The following ADAM18 variants were observed in gnomAD, a reference collection of about 807,000 sequenced individuals.
ADAM18 encodes the protein disintegrin and metalloproteinase domain-containing protein 18.
ADAM18 carries 117 observed loss-of-function variants against 94.4 expected under a neutral mutation model. That is an observed-to-expected ratio of 1.24 (90% CI 1.07 to 1.45). The LOEUF (loss-of-function observed/expected upper bound fraction) is 1.45. ADAM18 is among the 40% of genes most tolerant of loss of function. ADAM18 has a pLI of 0.00. For synonymous variants in ADAM18, 327 were observed against 291.6 expected (o/e 1.12, Z -1.24); for missense variants, 936 against 880.0 (o/e 1.06, Z -0.81).
chr8:39,663,598 CAAAAAAAAAAAAAAAAAAA>C (rs10597769), intron 12 of ADAM18, among the ~76,000 whole-genome samples, 178 bp from the exon 13 acceptor site: 1 of 19,592 alleles, frequency 5.1e-5, no homozygotes, highest in Non-Finnish European at 8.3e-5. Context: ...AATCCTGTCT[CAAAAAAAAAAAAAAAAAAA>C]AAAAAAAAAA....
intron 7 of ADAM18, among the ~76,000 whole-genome samples, chr8:39,630,643 T>A (rs1185821897): frequency 6.6e-6 from 1 of 151,926 alleles, no homozygotes; most frequent in East Asian, 1.9e-4. Context: ...ATTTCTTGTA[T>A]ACTAACGTGA....
At chr8:39,662,232 C>G (rs1820861009) in intron 12 of ADAM18, among the ~76,000 whole-genome samples, 1 of 151,892 alleles carries the variant, frequency 6.6e-6, no homozygotes, top group South Asian at 2.1e-4. Flanking sequence ...TCATTAATTA[C>G]TAGTGAAAGA....
intron 6 of ADAM18, 98 bp from the exon 7 acceptor site, chr8:39,629,276 T>A (rs1307570279): frequency 2.4e-6 from 2 of 844,050 alleles, no homozygotes; most frequent in African/African-American, 1.8e-5. Context: ...CTCATGAAAA[T>A]CTTATATGCA....
At chr8:39,684,641 G>A (rs1821560129) in intron 16 of ADAM18, among the ~76,000 whole-genome samples, 1 of 152,124 alleles carries the variant, frequency 6.6e-6, no homozygotes, top group Admixed American at 6.6e-5. Context: ...TGCCCTGGTG[G>A]GGGCTGTCTG....
At chr8:39,585,234 A>T in intron 1 of ADAM18, 42 bp from the exon 2 acceptor site, 1 of 1,524,104 alleles carries the variant, frequency 6.6e-7, no homozygotes, top group Non-Finnish European at 9.1e-7. Context: ...ACGATTGTTG[A>T]TGCAAAACAA....
Position 39,610,602 on chromosome 8 carries a change from A to G in ADAM18, c.418A>G (p.Ile140Val), listed in dbSNP as rs369562039. 24 of 1,612,896 alleles carry G rather than the reference A, an allele frequency of 1.5e-5. No individual in the cohort carries two copies. The highest frequency in any genetic ancestry group is 1.7e-4 in the Middle Eastern group (1 of 6,046). ...VESSARFEHI[I>V]YQMKNNDPNV... ...ATCTTCAGCAAGATTTGAGCATATA[A>G]TTTATCAAATGAAAAATAATGATCC... The change falls in exon 6 of 20, where the codon ATT becomes GTT. Residue 140 changes from isoleucine (I) to valine (V), a missense_variant. Physicochemically the swap from Ile to Val is conservative, Grantham distance 29. Transcript: ENST00000265707.
intron 1 of ADAM18, among the ~76,000 whole-genome samples, chr8:39,584,950 G>A (rs557080866): frequency 3.3e-5 from 5 of 152,278 alleles, no homozygotes; most frequent in African/African-American, 9.6e-5. Flanking sequence ...TGTGAAGGAG[G>A]GTGGAGGTGG....
Position 39,648,651 on chromosome 8 carries a change from A to G in ADAM18, c.1230+124A>G, listed in dbSNP as rs1361111289. On this transcript the variant is annotated intron_variant, in intron 12 of 19. Transcript: ENST00000265707. ...GCCATTAATTTATAACTGAAATATG[A>G]GAAACAGGATGAGTTAAGATGTATA... is the stretch of plus-strand genomic sequence containing the variant. 8 of 930,910 alleles carry G rather than the reference A, an allele frequency of 8.6e-6. No homozygotes were observed. The East Asian group carries it at 2.2e-4, about 26-fold the overall frequency. The allele number at this position is 930,910 out of a possible 1,614,324, so 57.7% of individuals were successfully genotyped here. A position where few individuals can be genotyped will look rare whatever the true frequency, so the allele number is the denominator to read the frequency against.
intron 19 of ADAM18, among the ~76,000 whole-genome samples, chr8:39,724,816 A>C (rs1045121149): frequency 6.6e-6 from 1 of 151,926 alleles, no homozygotes; most frequent in African/African-American, 2.4e-5. Flanking sequence ...GGACTCATAC[A>C]TTAGTTAGAA....
intron 12 of ADAM18, among the ~76,000 whole-genome samples, 197 bp from the exon 13 acceptor site, chr8:39,663,598 C>CAAAAAAAAAA (rs10597769): frequency 8.7e-4 from 17 of 19,592 alleles, no homozygotes; most frequent in African/African-American, 1.5e-3. Flanking sequence ...AATCCTGTCT[C>CAAAAAAAAAA]AAAAAAAAAA....
At chr8:39,605,599 G>C (rs2129578313) in intron 2 of ADAM18, 1 of 160,552 alleles carries the variant, frequency 6.2e-6, no homozygotes, top group East Asian at 1.9e-4. Flanking sequence ...AATTTATCTT[G>C]ACTAAAAATG....
At chr8:39,667,963 A>G in intron 13 of ADAM18, 35 bp from the exon 14 acceptor site, 1 of 1,584,952 alleles carries the variant, frequency 6.3e-7, no homozygotes, top group Non-Finnish European at 8.7e-7. Flanking sequence ...AAAATGATTT[A>G]CAGAACTTAA....
intron 10 of ADAM18, among the ~76,000 whole-genome samples, chr8:39,639,194 T>G (rs1456527275): frequency 1.3e-5 from 2 of 151,950 alleles, no homozygotes; most frequent in African/African-American, 4.8e-5. Context: ...TATGCATAGG[T>G]ATAAACACCA....
At chr8:39,644,196 A>AT (rs1820315251) in intron 10 of ADAM18, among the ~76,000 whole-genome samples, 1 of 152,124 alleles carries the variant, frequency 6.6e-6, no homozygotes, top group Non-Finnish European at 1.5e-5. Context: ...GAAATATATC[A>AT]TTATTTATTT....
At chr8:39,660,931 T>C (rs1051554813) in intron 12 of ADAM18, among the ~76,000 whole-genome samples, 2 of 152,170 alleles carry the variant, frequency 1.3e-5, no homozygotes, top group Non-Finnish European at 2.9e-5. Flanking sequence ...GGCCTTCAGT[T>C]CAGGTCTGAG....
intron 13 of ADAM18, among the ~76,000 whole-genome samples, chr8:39,664,355 T>C (rs1820933837): frequency 6.6e-6 from 1 of 152,158 alleles, no homozygotes; most frequent in Non-Finnish European, 1.5e-5. Flanking sequence ...AATAAAAATA[T>C]ATGAGAAGAT....
intron 12 of ADAM18, among the ~76,000 whole-genome samples, chr8:39,651,520 T>G (rs1820535759): frequency 6.6e-6 from 1 of 152,212 alleles, no homozygotes; most frequent in African/African-American, 2.4e-5. Context: ...TGATGACTCT[T>G]AACAAGCATT....
chr8:39,640,565 A>G (rs1414006116), intron 10 of ADAM18, among the ~76,000 whole-genome samples: 2 of 152,124 alleles, frequency 1.3e-5, no homozygotes, highest in African/African-American at 4.8e-5. Flanking sequence ...TCATGAGTCA[A>G]ATGGTATTTC....
At chr8:39,634,270 G>A (rs1226448912) in intron 7 of ADAM18, among the ~76,000 whole-genome samples, 5 of 152,110 alleles carry the variant, frequency 3.3e-5, no homozygotes, top group Non-Finnish European at 7.4e-5. Flanking sequence ...CAGAGTGCAA[G>A]AGCTGTGGTG....
Sources: gnomAD v4.1 joint callset for allele counts (sites outside exome capture counted in the v4.1 genomes callset) on GRCh38, gnomAD v4.1.1 for gene constraint, MANE v1.5 for transcripts, NCBI Gene and HGNC (gene_info 2026-07-23, HGNC 2026-07-21) for gene names.